The following SMURF2 variants were observed in gnomAD, a reference collection of about 807,000 sequenced individuals.
SMURF2 encodes E3 ubiquitin-protein ligase SMURF2.
A neutral mutation model predicts 109.6 loss-of-function variants in SMURF2; 48 were observed. The ratio of observed to expected loss-of-function variants is 0.44; its 90% CI spans 0.35 to 0.56. The LOEUF (loss-of-function observed/expected upper bound fraction) is 0.56, where lower values mean the gene tolerates loss of function less well. SMURF2 is among the 20% of genes least tolerant of loss of function. The probability of loss-of-function intolerance (pLI) is 0.01; values close to 1 mark genes in which losing one functional copy is unlikely to be tolerated. For missense variants in SMURF2, 575 were observed against 909.0 expected, an observed-to-expected ratio of 0.63 and a Z score of 4.72; for synonymous variants, 288 against 317.1, an observed-to-expected ratio of 0.91 and a Z score of 0.97.
At chr17:64,568,895 A>G (rs527531100) in intron 10 of SMURF2, among the ~76,000 whole-genome samples, 28 of 151,900 alleles carry the variant, frequency 1.8e-4, no homozygotes, top group Admixed American at 1.3e-3. Context: ...CCAGCTACTC[A>G]GGAGGCTGAG....
chr17:64,609,123 G>A (rs1555689305), intron 1 of SMURF2, among the ~76,000 whole-genome samples: 1 of 152,060 alleles, frequency 6.6e-6, no homozygotes, highest in African/African-American at 2.4e-5. Context: ...AATAAGAGAG[G>A]ACACAAATAA....
intron 1 of SMURF2, among the ~76,000 whole-genome samples, chr17:64,610,546 G>T (rs1489234631): frequency 6.6e-6 from 1 of 152,150 alleles, no homozygotes; most frequent in Non-Finnish European, 1.5e-5. Context: ...TTATAAGTGG[G>T]AGTTGAACAA....
At chr17:64,603,932 T>C (rs782819292) in intron 2 of SMURF2, among the ~76,000 whole-genome samples, 5 of 152,356 alleles carry the variant, frequency 3.3e-5, no homozygotes, top group East Asian at 1.9e-4. Flanking sequence ...AGTCGTACTT[T>C]GTATTAAAAT....
intron 2 of SMURF2, among the ~76,000 whole-genome samples, chr17:64,605,744 A>AAAAG (rs1969959585): frequency 1.0e-5 from 1 of 99,120 alleles, no homozygotes; most frequent in Non-Finnish European, 2.0e-5. Flanking sequence ...CTCTAAAAAG[A>AAAAG]ATATATATAT....
chr17:64,651,289 T>C (rs113925752), intron 1 of SMURF2, among the ~76,000 whole-genome samples: 1 of 149,332 alleles, frequency 6.7e-6, no homozygotes, highest in South Asian at 2.1e-4. Flanking sequence ...AATATACACA[T>C]AAAGCTGGGC....
At chr17:64,619,216 T>C (rs1040954011) in intron 1 of SMURF2, among the ~76,000 whole-genome samples, 2 of 152,026 alleles carry the variant, frequency 1.3e-5, no homozygotes, top group African/African-American at 4.8e-5. Context: ...CGGTGGCTCA[T>C]GCCTGTAATA....
At chr17:64,648,058 TAAAAAAAAAA>T (rs56131846) in intron 1 of SMURF2, among the ~76,000 whole-genome samples, 11 of 17,682 alleles carry the variant, frequency 6.2e-4, no homozygotes, top group East Asian at 2.0e-3. Flanking sequence ...CCCTATCTCT[TAAAAAAAAAA>T]AAAAAAAAAA....
chr17:64,613,811 G>A (rs1462525797), intron 1 of SMURF2, among the ~76,000 whole-genome samples: 1 of 150,038 alleles, frequency 6.7e-6, no homozygotes, highest in Admixed American at 6.7e-5. Flanking sequence ...CATTTATTGT[G>A]CACTTATTTC....
chr17:64,598,005 A>G (rs1555688237), intron 3 of SMURF2, among the ~76,000 whole-genome samples: 1 of 152,162 alleles, frequency 6.6e-6, no homozygotes, highest in African/African-American at 2.4e-5. Context: ...AATGGTTTAA[A>G]ATAAAATTTA....
At chr17:64,653,111 G>A (rs1257319639) in intron 1 of SMURF2, among the ~76,000 whole-genome samples, 5 of 151,882 alleles carry the variant, frequency 3.3e-5, no homozygotes, top group Non-Finnish European at 5.9e-5. Context: ...TTTGGGGGGC[G>A]GTGGGGGAGC....
At chr17:64,570,581 CA>C (rs1186918275) in intron 10 of SMURF2, among the ~76,000 whole-genome samples, 1 of 152,080 alleles carries the variant, frequency 6.6e-6, no homozygotes, top group Non-Finnish European at 1.5e-5. Context: ...GCAAAGGATG[CA>C]AATAATATAC....
At chr17:64,561,704 A>G (rs538758497) in intron 11 of SMURF2, 101 bp from the exon 12 acceptor site, 1 of 893,712 alleles carries the variant, frequency 1.1e-6, no homozygotes, top group South Asian at 1.7e-5. Flanking sequence ...AGTCTAAATA[A>G]GGTGAAATTT....
intron 4 of SMURF2, among the ~76,000 whole-genome samples, chr17:64,592,597 T>C (rs761596845): frequency 1.3e-5 from 2 of 152,218 alleles, no homozygotes; most frequent in Non-Finnish European, 2.9e-5. Flanking sequence ...AGATCTTATG[T>C]GAGTTTGTTT....
intron 6 of SMURF2, among the ~76,000 whole-genome samples, chr17:64,584,220 A>T (rs1259150626): frequency 1.3e-5 from 2 of 148,966 alleles, no homozygotes; most frequent in Non-Finnish European, 3.0e-5. Context: ...CGGGAGGTTG[A>T]GGCAGGAGAA....
At chr17:64,570,025 C>T (rs1969376149) in intron 10 of SMURF2, among the ~76,000 whole-genome samples, 1 of 152,128 alleles carries the variant, frequency 6.6e-6, no homozygotes, top group Non-Finnish European at 1.5e-5. Context: ...CTTCTATCTA[C>T]AATAAAGTAA....
At chr17:64,640,293 G>A (rs1272207745) in intron 1 of SMURF2, among the ~76,000 whole-genome samples, 5 of 152,134 alleles carry the variant, frequency 3.3e-5, no homozygotes, top group African/African-American at 4.8e-5. Context: ...GGAACTCTTT[G>A]AGATAATACA....
intron 5 of SMURF2, among the ~76,000 whole-genome samples, chr17:64,590,144 CTTTTT>C (rs200015210): frequency 1.5e-5 from 2 of 136,950 alleles, no homozygotes; most frequent in Non-Finnish European, 1.6e-5. Context: ...TTTTTCTTTT[CTTTTT>C]TTTTTTTTTT....
chr17:64,617,067 A>T (rs1421267945), intron 1 of SMURF2, among the ~76,000 whole-genome samples: 5 of 99,870 alleles, frequency 5.0e-5, no homozygotes, highest in African/African-American at 2.8e-4. Context: ...ACCTTGTCTA[A>T]AAAAAAAAAA....
chr17:64,562,852 T>G lies in SMURF2; in HGVS notation c.1131A>C (p.Lys377Asn). Residue 377 changes from lysine (K) to asparagine (N), a missense_variant, in exon 11 of 19, where the codon AAA becomes AAC. Physicochemically the swap from Lys to Asn is moderately conservative, Grantham distance 94 (BLOSUM62 0). Transcript: ENST00000262435. ...RYKRDLVQKL[K>N]ILRQELSQQQ... ...GTTGGGAAAGTTCTTGCCGCAAAAT[T>G]TTTAGTTTCTGAACCAGGTCTCGCT... The G allele has an allele frequency of 6.2e-7, 1 of 1,614,118 alleles. No homozygotes were observed. Among genetic ancestry groups the G allele is most frequent in the Admixed American group, 1.7e-5 (1 of 60,008 alleles).
Sources: allele counts gnomAD v4.1 joint callset (sites outside exome capture counted in the v4.1 genomes callset), GRCh38; gene constraint gnomAD v4.1.1; transcripts MANE v1.5; gene names NCBI Gene and HGNC (gene_info 2026-07-23, HGNC 2026-07-21).